Variants in FAM53B observed in about 807,000 individuals in gnomAD.
FAM53B encodes family with sequence similarity 53 member B.
A neutral mutation model predicts 32.7 loss-of-function variants in FAM53B; 12 were observed. That is an observed-to-expected ratio of 0.37 (90% CI 0.24 to 0.59). FAM53B has a LOEUF of 0.59. Ranked by LOEUF, FAM53B falls within the 20% of genes least tolerant of loss-of-function variation. FAM53B has a pLI of 0.72. For synonymous variants in FAM53B, 234 were observed against 228.7 expected (o/e 1.02, Z -0.21); for missense variants, 477 against 577.7 (o/e 0.83, Z 1.79).
rs1490736339 is a variant in FAM53B at position 124,682,806 on chromosome 10, G to A, written c.134-427C>T. Among the ~76,000 whole-genome samples, 1 of 152,252 alleles carries A rather than the reference G, an allele frequency of 6.6e-6. No individual in the cohort carries two copies. The highest frequency in any genetic ancestry group is 2.4e-5 in the African/African-American group (1 of 41,470). The stretch of plus-strand genomic sequence containing the variant: ...GTTAAGTGCCACCAGGTTCTCTGCA[G>A]CTCTCAGGACTGGGACTCGATGCCC... On this transcript the variant is annotated intron_variant, in intron 3 of 4. Transcript: ENST00000337318. This position sits in a 1 kb window ranked among gnomAD's most constrained non-coding sequence, Gnocchi z 5.2.
At chr10:124,732,783 C>T (rs1163087519) in intron 1 of FAM53B, among the ~76,000 whole-genome samples, 3 of 151,600 alleles carry the variant, frequency 2.0e-5, no homozygotes, top group Non-Finnish European at 2.9e-5. Flanking sequence ...GCAGAGATCA[C>T]GCCACTGCTG....
intron 4 of FAM53B, among the ~76,000 whole-genome samples, chr10:124,626,022 C>T (rs1292838179): frequency 6.6e-6 from 1 of 152,362 alleles, no homozygotes; most frequent in African/African-American, 2.4e-5. Flanking sequence ...ATGCTGTGAA[C>T]AGGTTCTAGG....
Position 124,696,060 on chromosome 10 carries a change from T to C in FAM53B, c.133+98A>G, listed in dbSNP as rs1047557291. On this transcript the variant is annotated intron_variant, in intron 3 of 4. Transcript: ENST00000337318. ...AGTCCCGGGGCTGCTCTTTTTGAAC[T>C]TGTGTCCAGAAAGTGCTTTGAGTGT... 43 of 988,666 alleles carry C rather than the reference T, an allele frequency of 4.3e-5. No homozygotes were observed. The African/African-American group carries it at 6.6e-4, about 15-fold the overall frequency. 61.2% of individuals were successfully genotyped at this position (988,666 alleles called of 1,614,324 possible). A position where few individuals can be genotyped will look rare whatever the true frequency, so the allele number is the denominator to read the frequency against.
At chr10:124,661,959 C>G (rs749986155) in intron 4 of FAM53B, among the ~76,000 whole-genome samples, 1 of 152,218 alleles carries the variant, frequency 6.6e-6, no homozygotes, top group Non-Finnish European at 1.5e-5. Flanking sequence ...TCGGTGAGCC[C>G]GGCTGCTTGG....
intron 3 of FAM53B, among the ~76,000 whole-genome samples, chr10:124,694,364 A>T (rs1197787545): frequency 6.6e-6 from 1 of 152,222 alleles, no homozygotes; most frequent in Non-Finnish European, 1.5e-5. Context: ...CTCCTGGGCC[A>T]TCTGGACTTT....
At chr10:124,642,073 C>T (rs1191687306) in intron 4 of FAM53B, among the ~76,000 whole-genome samples, 1 of 152,206 alleles carries the variant, frequency 6.6e-6, no homozygotes, top group African/African-American at 2.4e-5. Context: ...ACCCTGAGAA[C>T]GTGAGTGTTC....
intron 4 of FAM53B, among the ~76,000 whole-genome samples, chr10:124,664,825 C>A (rs1442564981): frequency 1.3e-5 from 2 of 152,246 alleles, no homozygotes; most frequent in African/African-American, 2.4e-5. Context: ...CTGCCCAGGG[C>A]AGAAGTCCCC....
At chr10:124,714,394 G>A (rs1950025562) in intron 1 of FAM53B, among the ~76,000 whole-genome samples, 2 of 152,158 alleles carry the variant, frequency 1.3e-5, no homozygotes, top group South Asian at 4.1e-4. Flanking sequence ...GGGTTCCCAT[G>A]TCTTCAGGTC....
chr10:124,727,857 C>T (rs1001831617), intron 1 of FAM53B, among the ~76,000 whole-genome samples: 2 of 152,198 alleles, frequency 1.3e-5, no homozygotes, highest in Non-Finnish European at 2.9e-5. Context: ...TAAAATTTAC[C>T]TCCTGACTTG....
At chr10:124,698,006 A>C (rs1949886003) in intron 2 of FAM53B, among the ~76,000 whole-genome samples, 1 of 152,202 alleles carries the variant, frequency 6.6e-6, no homozygotes, top group African/African-American at 2.4e-5. Context: ...CAAGCGCATG[A>C]GAGCACTGCT....
At chr10:124,632,920 C>G (rs949501984) in intron 4 of FAM53B, among the ~76,000 whole-genome samples, 12 of 152,152 alleles carry the variant, frequency 7.9e-5, no homozygotes, top group African/African-American at 2.9e-4. Flanking sequence ...CGGGTGTGCC[C>G]TGAGGGAACT....
At chr10:124,623,829 T>G (rs1949328639) in intron 4 of FAM53B, 1 of 523,560 alleles carries the variant, frequency 1.9e-6, no homozygotes, top group Non-Finnish European at 3.3e-6. Context: ...ATTCCACTAT[T>G]CACCTACTAA....
At chr10:124,632,550 A>G (rs1216476108) in intron 4 of FAM53B, among the ~76,000 whole-genome samples, 1 of 152,218 alleles carries the variant, frequency 6.6e-6, no homozygotes, top group African/African-American at 2.4e-5. Flanking sequence ...CAAGGCTCTC[A>G]GAGGGGCTGG....
chr10:124,709,884 A>T (rs1399373272), intron 1 of FAM53B, among the ~76,000 whole-genome samples: 1 of 151,866 alleles, frequency 6.6e-6, no homozygotes, highest in Non-Finnish European at 1.5e-5. Context: ...ATGGTCCCAC[A>T]CAGTGGTTGC....
chr10:124,677,300 C>T (rs1949742112), intron 4 of FAM53B, among the ~76,000 whole-genome samples: 1 of 152,246 alleles, frequency 6.6e-6, no homozygotes, highest in African/African-American at 2.4e-5. Flanking sequence ...ACAACTCACA[C>T]CCTCAGGCTG....
intron 4 of FAM53B, among the ~76,000 whole-genome samples, chr10:124,636,876 C>G (rs552748198): frequency 6.6e-6 from 1 of 151,668 alleles, no homozygotes; most frequent in Non-Finnish European, 1.5e-5. Flanking sequence ...GTTTTCACAC[C>G]CACCAAGCAG....
intron 3 of FAM53B, among the ~76,000 whole-genome samples, chr10:124,688,839 G>C (rs1027778837): frequency 7.9e-5 from 12 of 152,246 alleles, no homozygotes; most frequent in African/African-American, 2.9e-4. Context: ...AAAATTCCCA[G>C]GGCTCCAGAT....
Position 124,620,870 on chromosome 10 carries a change from G to A in FAM53B, c.*2372C>T, listed in dbSNP as rs1193012458. The stretch of plus-strand genomic sequence containing the variant: ...GGCAGGCGGGGTCTGAGGAGGCTGG[G>A]TCATTTCTCCCTAAGCGCCCTGGGG... On this transcript the variant is annotated 3_prime_UTR_variant, in exon 5 of 5. Coordinates refer to ENST00000337318, the MANE Select transcript of FAM53B (RefSeq NM_014661.4). 1.3e-5 allele frequency: 2 copies of A among 152,368 alleles called. No individual in the cohort carries two copies. The highest frequency in any genetic ancestry group is 4.8e-5 in the African/African-American group (2 of 41,460). 9.4% of individuals were successfully genotyped at this position (152,368 alleles called of 1,614,324 possible).
intron 1 of FAM53B, among the ~76,000 whole-genome samples, chr10:124,740,356 C>A (rs1243157523): frequency 6.6e-6 from 1 of 152,200 alleles, no homozygotes; most frequent in African/African-American, 2.4e-5. Flanking sequence ...AAGAAAAATA[C>A]TTCACTGTAA....
Sources: allele counts gnomAD v4.1 joint callset (sites outside exome capture counted in the v4.1 genomes callset), GRCh38; gene constraint gnomAD v4.1.1; non-coding constraint Gnocchi (gnomAD v3.1); transcripts MANE v1.5; gene names NCBI Gene and HGNC (gene_info 2026-07-23, HGNC 2026-07-21).